The following CYRIA variants were observed in gnomAD, a reference collection of about 807,000 sequenced individuals.
CYRIA encodes CYFIP-related Rac1 interactor A.
Under a neutral mutation model 43.9 loss-of-function variants are expected in CYRIA, and 15 were observed. The ratio of observed to expected loss-of-function variants is 0.34; its 90% CI spans 0.23 to 0.53. CYRIA has a LOEUF of 0.53. CYRIA is among the 20% of genes least tolerant of loss of function. CYRIA has a pLI of 0.94. For synonymous variants in CYRIA, 117 were observed against 136.0 expected (o/e 0.86, Z 0.97); for missense variants, 236 against 394.2 (o/e 0.60, Z 3.40).
chr2:16,627,008 A>T lies in CYRIA; in HGVS notation c.-166-2989T>A, dbSNP rs562726236. 3.0e-3 allele frequency among the ~76,000 whole-genome samples: 455 copies of T among 151,270 alleles called. 3 individuals carry two copies. The highest frequency in any genetic ancestry group is 0.011 in the African/African-American group (428 of 40,518). ...AAATGGAGAAGCCGAAATCAGAGAC[A>T]GGAGGTGCCTTATCCAGAGTCTCAA... On this transcript the variant is annotated intron_variant, in intron 1 of 11. Coordinates refer to ENST00000381323, the MANE Select transcript of CYRIA (RefSeq NM_030797.4).
chr2:16,589,415 C>T lies in CYRIA; in HGVS notation c.-10-1286G>A, dbSNP rs114876179. Among the ~76,000 whole-genome samples, 1,416 of 152,158 alleles carry T rather than the reference C, an allele frequency of 9.3e-3. 19 individuals carry two copies. Among genetic ancestry groups the T allele is most frequent in the African/African-American group, 0.032 (1,346 of 41,524 alleles). On this transcript the variant is annotated intron_variant, in intron 2 of 11. Transcript: ENST00000381323. The stretch of plus-strand genomic sequence containing the variant: ...TCTCCATAATCCTCCGCTGGGAAAA[C>T]ACACATTTGCAGACATACTCCCCGA...
chr2:16,615,682 T>A (rs1668757695), intron 2 of CYRIA, among the ~76,000 whole-genome samples: 1 of 152,232 alleles, frequency 6.6e-6, no homozygotes, highest in South Asian at 2.1e-4. Flanking sequence ...TTTCCAAGGT[T>A]CAACTCTCCA....
At chr2:16,606,109 C>T (rs1351801151) in intron 2 of CYRIA, among the ~76,000 whole-genome samples, 1 of 152,146 alleles carries the variant, frequency 6.6e-6, no homozygotes, top group African/African-American at 2.4e-5. Flanking sequence ...TCCCCAGCTC[C>T]AGGCCCATCA....
At chr2:16,610,777 C>G (rs1400900876) in intron 2 of CYRIA, among the ~76,000 whole-genome samples, 5 of 151,566 alleles carry the variant, frequency 3.3e-5, no homozygotes, top group Admixed American at 2.0e-4. Flanking sequence ...TGCTTAGTTA[C>G]CTAACTACCC....
At chr2:16,591,986 C>A (rs745322823) in intron 2 of CYRIA, among the ~76,000 whole-genome samples, 1 of 152,092 alleles carries the variant, frequency 6.6e-6, no homozygotes, top group African/African-American at 2.4e-5. Context: ...TGTAGCTACA[C>A]TGGTGCACAT....
rs1442277286 is a variant in CYRIA at position 16,559,564 on chromosome 2, T to A, written c.733A>T (p.Ser245Cys). 1 of 1,612,814 alleles carries A rather than the reference T, an allele frequency of 6.2e-7. No individual in the cohort carries two copies. The highest frequency in any genetic ancestry group is 1.3e-5 in the African/African-American group (1 of 74,840). ...ETPEYRSRFT[S>C]EETLMFCMRV... ...ATGCAGAACATCAGGGTCTCTTCAC[T>A]CGTAAACCTACTTCTGTACTCCCTG... The change falls in exon 10 of 12, where the codon AGT becomes TGT. Residue 245 changes from serine (S) to cysteine (C), a missense_variant. Physicochemically the swap from Ser to Cys is moderately radical, Grantham distance 112. This residue lies in a region of CYRIA where 193 missense variants were observed against 303.9 expected (regional missense o/e 0.64). Transcript: ENST00000381323.
chr2:16,610,874 G>A (rs1668568088), intron 2 of CYRIA, among the ~76,000 whole-genome samples: 1 of 123,548 alleles, frequency 8.1e-6, no homozygotes, highest in Non-Finnish European at 1.6e-5. Flanking sequence ...CTCAAAAATA[G>A]GATTGACTTC....
intron 1 of CYRIA, among the ~76,000 whole-genome samples, chr2:16,655,629 C>A (rs188903474): frequency 6.6e-6 from 1 of 152,166 alleles, no homozygotes; most frequent in African/African-American, 2.4e-5. Context: ...TGTAAATGTG[C>A]GGCAACTGGA....
intron 1 of CYRIA, among the ~76,000 whole-genome samples, chr2:16,643,576 C>G (rs868811577): frequency 1.3e-5 from 2 of 152,210 alleles, no homozygotes; most frequent in African/African-American, 4.8e-5. Context: ...TAATTGTGTA[C>G]ACGTTCCCTC....
In CYRIA at chr2:16,656,005, A is replaced by C. The variant is rs1025498779; in HGVS notation, c.-167+9775T>G. ...TGGTTACCGGTCCTTGAAAGACAAA[A>C]GGTCCCTTGGCTTGCAGGGGCATCT... On this transcript the variant is annotated intron_variant, in intron 1 of 11. Transcript: ENST00000381323. Among the ~76,000 whole-genome samples the C allele has an allele frequency of 1.3e-5, 2 of 152,054 alleles. 1 individual carries two copies. Among genetic ancestry groups the C allele is most frequent in the South Asian group, 4.2e-4 (2 of 4,816 alleles).
At chr2:16,627,049 C>T (rs752484758) in intron 1 of CYRIA, among the ~76,000 whole-genome samples, 3 of 152,274 alleles carry the variant, frequency 2.0e-5, no homozygotes, top group South Asian at 4.1e-4. Context: ...AACTAGGGCC[C>T]GAAATAGGCA....
intron 1 of CYRIA, among the ~76,000 whole-genome samples, chr2:16,633,357 T>C (rs2103524218): frequency 6.6e-6 from 1 of 152,226 alleles, no homozygotes; most frequent in African/African-American, 2.4e-5. Flanking sequence ...CTCATAGAAC[T>C]TTCTGTCTGT....
chr2:16,601,040 G>C (rs969450984), intron 2 of CYRIA, among the ~76,000 whole-genome samples: 1 of 152,204 alleles, frequency 6.6e-6, no homozygotes, highest in Non-Finnish European at 1.5e-5. Context: ...GAAGGTATGT[G>C]TAGGGTGCTG....
intron 3 of CYRIA, 43 bp downstream of exon 3, chr2:16,588,007 G>T: frequency 8.2e-7 from 1 of 1,220,708 alleles, no homozygotes; most frequent in Non-Finnish European, 1.2e-6. Flanking sequence ...CAATCTATAA[G>T]GAATGTAAAA....
intron 1 of CYRIA, among the ~76,000 whole-genome samples, chr2:16,637,776 T>C (rs978839981): frequency 6.6e-6 from 1 of 152,200 alleles, no homozygotes; most frequent in African/African-American, 2.4e-5. Context: ...AATCTCTCAT[T>C]AACAAAATAG....
chr2:16,641,939 T>G (rs1669689388), intron 1 of CYRIA, among the ~76,000 whole-genome samples: 1 of 152,194 alleles, frequency 6.6e-6, no homozygotes, highest in African/African-American at 2.4e-5. Context: ...AAGACTTTAT[T>G]TACTTGATCT....
intron 1 of CYRIA, among the ~76,000 whole-genome samples, chr2:16,658,857 T>G (rs1199030409): frequency 6.6e-6 from 1 of 152,202 alleles, no homozygotes; most frequent in South Asian, 2.1e-4. Flanking sequence ...CTCTGTAAGC[T>G]GAGAACATAG....
chr2:16,618,566 G>A (rs191479574), intron 2 of CYRIA, among the ~76,000 whole-genome samples: 99 of 152,308 alleles, frequency 6.5e-4, no homozygotes, highest in Non-Finnish European at 1.3e-3. Context: ...TTGGTAAAGA[G>A]CATGTGACAG....
intron 2 of CYRIA, among the ~76,000 whole-genome samples, chr2:16,622,279 G>A (rs902401972): frequency 6.6e-6 from 1 of 152,198 alleles, no homozygotes; most frequent in Admixed American, 6.5e-5. Flanking sequence ...CTTTGGGTAT[G>A]GCAGAGAAAA....
Sources: allele counts gnomAD v4.1 joint callset (sites outside exome capture counted in the v4.1 genomes callset), GRCh38; gene constraint gnomAD v4.1.1; regional missense constraint gnomAD v4.1.1; transcripts MANE v1.5; gene names NCBI Gene and HGNC (gene_info 2026-07-23, HGNC 2026-07-21).